Variants in KMT2A observed in about 807,000 individuals in gnomAD.
KMT2A encodes histone-lysine N-methyltransferase 2A.
KMT2A carries 16 observed loss-of-function variants against 345.3 expected under a neutral mutation model. The ratio of observed to expected loss-of-function variants is 0.05; its 90% CI spans 0.03 to 0.07. The LOEUF is 0.07. Among genes scored for constraint, KMT2A ranks in the 10% least tolerant of loss-of-function variants. The pLI, the probability that KMT2A is intolerant of heterozygous loss-of-function variation, is 1.00. For synonymous variants in KMT2A, 1,599 were observed against 1,778.6 expected (o/e 0.90, Z 2.54); for missense variants, 3,272 against 4,841.6 (o/e 0.68, Z 9.62).
At chr11:118,451,365 C>A (rs140579592) in intron 1 of KMT2A, among the ~76,000 whole-genome samples, 219 of 152,046 alleles carry the variant, frequency 1.4e-3, no homozygotes, top group African/African-American at 5.0e-3. Flanking sequence ...GCTCACAACA[C>A]CATGCCTACT....
chr11:118,440,758 G>C (rs1375234274), intron 1 of KMT2A, among the ~76,000 whole-genome samples: 1 of 151,444 alleles, frequency 6.6e-6, no homozygotes, highest in Non-Finnish European at 1.5e-5. Context: ...TACTCCTGCA[G>C]CTGAAAGGTA....
rs2134310497 is a variant in KMT2A at position 118,484,024 on chromosome 11, C to G, written c.4087-159C>G. Among the ~76,000 whole-genome samples, 1 of 152,146 alleles carries G rather than the reference C, an allele frequency of 6.6e-6. No individual in the cohort carries two copies. The highest frequency in any genetic ancestry group is 2.4e-5 in the African/African-American group (1 of 41,494). On this transcript the variant is annotated intron_variant, in intron 8 of 35. Coordinates refer to ENST00000534358, the MANE Select transcript of KMT2A (RefSeq NM_001197104.2). The surrounding 1 kb of genome is among the most constrained non-coding windows in gnomAD (Gnocchi z 4.1). Reference sequence around the variant, plus strand: ...TGCAGCCTAGGCAACAAAGCAAGACCCAGTCTCTTTTAAAAAAAAATTCAA... The same window carrying G: ...TGCAGCCTAGGCAACAAAGCAAGACGCAGTCTCTTTTAAAAAAAAATTCAA...
intron 15 of KMT2A, among the ~76,000 whole-genome samples, chr11:118,492,678 C>G (rs1555042867): frequency 6.6e-6 from 1 of 151,812 alleles, no homozygotes; most frequent in Non-Finnish European, 1.5e-5. Context: ...GAGTCCATCT[C>G]AAAACAAAAA....
At position 118,520,607 on chromosome 11, in the gene KMT2A, C is replaced by T; in HGVS notation, c.11430-195C>T. ...CGGAGGTTACAGTGAGCCGAGATCGCACCACTGGACTCCAGCCTGGGCGAC... is the reference window on the plus strand; with the variant it reads ...CGGAGGTTACAGTGAGCCGAGATCGTACCACTGGACTCCAGCCTGGGCGAC... On this transcript the variant is annotated intron_variant, in intron 33 of 35. Coordinates refer to ENST00000534358, the MANE Select transcript of KMT2A (RefSeq NM_001197104.2). The surrounding 1 kb of genome is among the most constrained non-coding windows in gnomAD (Gnocchi z 4.3). 1 of 572,896 alleles carries T rather than the reference C, an allele frequency of 1.7e-6. No individual in the cohort carries two copies. The highest frequency in any genetic ancestry group is 3.2e-6 in the Non-Finnish European group (1 of 316,248). 35.5% of individuals were successfully genotyped at this position (572,896 alleles called of 1,614,324 possible).
At chr11:118,507,124 C>G (rs1054007308) in intron 27 of KMT2A, among the ~76,000 whole-genome samples, 1 of 152,158 alleles carries the variant, frequency 6.6e-6, no homozygotes, top group South Asian at 2.1e-4. Context: ...TAGTAAGACC[C>G]TGTCTCTACA....
At chr11:118,518,491 G>A (rs934509990) in intron 31 of KMT2A, among the ~76,000 whole-genome samples, 1 of 152,128 alleles carries the variant, frequency 6.6e-6, no homozygotes, top group Non-Finnish European at 1.5e-5. Flanking sequence ...TTAAACTTTA[G>A]TGAGGCTGGC....
intron 1 of KMT2A, 64 bp from the exon 2 acceptor site, chr11:118,468,711 C>A: frequency 7.8e-7 from 1 of 1,287,736 alleles, no homozygotes; most frequent in South Asian, 1.2e-5. Flanking sequence ...CTGGGCATTT[C>A]TTTGGGATGT....
In KMT2A at chr11:118,503,506, C is replaced by T; in HGVS notation, c.7614C>T (p.Ser2538=). Residue 2538 remains serine, a synonymous_variant, in exon 27 of 36, where the codon TCC becomes TCT. Coordinates refer to ENST00000534358, the MANE Select transcript of KMT2A (RefSeq NM_001197104.2). This position sits in a 1 kb window ranked among gnomAD's most constrained non-coding sequence, Gnocchi z 5.3. Reference sequence around the variant, plus strand: ...TAAAAATGGAAAATGAGAGTCAATCCAAAAATGCCCTGAAAGAAAGTAGTC... The same window carrying T: ...TAAAAATGGAAAATGAGAGTCAATCTAAAAATGCCCTGAAAGAAAGTAGTC... ...TPLKMENESQ[S]KNALKESSPA... is the part of the protein sequence containing the mutation. 6.2e-7 allele frequency: 1 copy of T among 1,614,076 alleles called. No homozygotes were observed. Among genetic ancestry groups the T allele is most frequent in the Non-Finnish European group, 8.5e-7 (1 of 1,180,002 alleles).
chr11:118,496,747 G>A lies in KMT2A; in HGVS notation c.5664+380G>A, dbSNP rs1402166606. 1.3e-5 allele frequency among the ~76,000 whole-genome samples: 2 copies of A among 152,164 alleles called. No homozygotes were observed. The highest frequency in any genetic ancestry group is 1.3e-4 in the Admixed American group (2 of 15,282). The stretch of plus-strand genomic sequence containing the variant: ...AGGATAGCAGAATCGTTAAGAGCCC[G>A]AGTTCTGCCGCCTGCCTGAATACAT... On this transcript the variant is annotated intron_variant, in intron 20 of 35. Transcript: ENST00000534358. The surrounding 1 kb of genome is among the most constrained non-coding windows in gnomAD (Gnocchi z 4.7).
At chr11:118,452,796 G>A (rs1165534168) in intron 1 of KMT2A, among the ~76,000 whole-genome samples, 2 of 152,056 alleles carry the variant, frequency 1.3e-5, no homozygotes, top group Non-Finnish European at 2.9e-5. Flanking sequence ...ACCACGCCCT[G>A]CTAATTTTTG....
chr11:118,441,251 C>A (rs1177168347), intron 1 of KMT2A, among the ~76,000 whole-genome samples: 2 of 151,704 alleles, frequency 1.3e-5, no homozygotes, highest in Admixed American at 6.6e-5. Flanking sequence ...GCCTTAGCCT[C>A]CTGAGTAGCT....
intron 10 of KMT2A, among the ~76,000 whole-genome samples, chr11:118,488,287 C>G (rs1401944662): frequency 6.6e-6 from 1 of 152,160 alleles, no homozygotes; most frequent in Non-Finnish European, 1.5e-5. Flanking sequence ...CGTTTAAACC[C>G]TCCCTATTTC....
At chr11:118,443,788 G>T (rs1949361370) in intron 1 of KMT2A, among the ~76,000 whole-genome samples, 1 of 152,192 alleles carries the variant, frequency 6.6e-6, no homozygotes, top group Non-Finnish European at 1.5e-5. Context: ...TGCTGCAGCA[G>T]TACCCTGTGA....
rs183996150 is a variant in KMT2A at position 118,453,471 on chromosome 11, G to A, written c.433-15304G>A. 2.3e-3 allele frequency among the ~76,000 whole-genome samples: 345 copies of A among 151,456 alleles called. 1 individual carries two copies. The highest frequency in any genetic ancestry group is 8.0e-3 in the African/African-American group (331 of 41,154). On this transcript the variant is annotated intron_variant, in intron 1 of 35. Coordinates refer to ENST00000534358, the MANE Select transcript of KMT2A (RefSeq NM_001197104.2). ...ATTGGCTGTTAATTTTCAGTATTCT[G>A]TATGGCTTCCCTCCTCTGCTTAACT...
At position 118,505,516 on chromosome 11, in the gene KMT2A, A is replaced by T; in HGVS notation, c.9624A>T (p.Thr3208=). Residue 3208 remains threonine (T), a synonymous_variant, in exon 27 of 36, where the codon ACA becomes ACT. Transcript: ENST00000534358. The surrounding 1 kb of genome is among the most constrained non-coding windows in gnomAD (Gnocchi z 4.6). The stretch of plus-strand genomic sequence containing the variant: ...TGGTTTCAGAATCCAGCCAGAGGAC[A>T]GACCTCAGTACCACAGTAGCCACTC... ...QLLVSESSQR[T]DLSTTVATPS... is the part of the protein sequence containing the mutation. 1.2e-6 allele frequency: 2 copies of T among 1,614,200 alleles called. No homozygotes were observed. Among genetic ancestry groups the T allele is most frequent in the Non-Finnish European group, 8.5e-7 (1 of 1,180,022 alleles).
intron 6 of KMT2A, 106 bp from the exon 7 acceptor site, chr11:118,481,609 T>A: frequency 8.3e-7 from 1 of 1,211,726 alleles, no homozygotes. Flanking sequence ...TATTTTGGTA[T>A]ATACCTAGCT....
intron 1 of KMT2A, among the ~76,000 whole-genome samples, chr11:118,467,691 AAAT>A (rs1316995970): frequency 6.6e-6 from 1 of 152,238 alleles, no homozygotes; most frequent in Non-Finnish European, 1.5e-5. Flanking sequence ...TTAACTGAGA[AAAT>A]AATCCTTCAG....
Position 118,473,328 on chromosome 11 carries a change from T to G in KMT2A, c.2169T>G (p.Ser723=), listed in dbSNP as rs1555036380. 5.0e-6 allele frequency: 8 copies of G among 1,613,852 alleles called. No homozygotes were observed. ...ESVTLPSNRT[S]AGTSSSGVSN... is the part of the protein sequence containing the mutation. ...TAACCTTGCCTAGTAATCGAACTTC[T>G]GCTGGAACATCTTCTTCAGGAGTAT... Residue 723 remains serine, a synonymous_variant, in exon 3 of 36, where the codon TCT becomes TCG. Coordinates refer to ENST00000534358, the MANE Select transcript of KMT2A (RefSeq NM_001197104.2). This position sits in a 1 kb window ranked among gnomAD's most constrained non-coding sequence, Gnocchi z 5.2.
At position 118,491,262 on chromosome 11, in the gene KMT2A, G is replaced by T. The variant is rs1555042404; in HGVS notation, c.4763G>T (p.Cys1588Phe). 1 of 1,613,940 alleles carries T rather than the reference G, an allele frequency of 6.2e-7. No homozygotes were observed. Residue 1588 changes from cysteine to phenylalanine, a missense_variant, in exon 14 of 36, where the codon TGT becomes TTT. By Grantham distance (205) the Cys-to-Phe change is radical (BLOSUM62 -2). This residue lies in a region of KMT2A where 120 missense variants were observed against 280.4 expected (regional missense o/e 0.43). Coordinates refer to ENST00000534358, the MANE Select transcript of KMT2A (RefSeq NM_001197104.2). The surrounding 1 kb of genome is among the most constrained non-coding windows in gnomAD (Gnocchi z 4.2). ...DDDYESKMMQCGKCDRWVHSK... is the reference protein window; with the variant it reads ...DDDYESKMMQFGKCDRWVHSK... ...GACTATGAGAGTAAGATGATGCAAT[G>T]TGGAAAGTGTGATCGCTGGGTCCAT...
Sources: gnomAD v4.1 joint callset for allele counts (sites outside exome capture counted in the v4.1 genomes callset) on GRCh38, gnomAD v4.1.1 for gene constraint, gnomAD v4.1.1 regional missense constraint, Gnocchi (gnomAD v3.1) non-coding constraint, MANE v1.5 for transcripts, NCBI Gene and HGNC (gene_info 2026-07-23, HGNC 2026-07-21) for gene names.